The following TENM2 variants were observed in gnomAD, a reference collection of about 807,000 sequenced individuals.
The protein encoded by TENM2 is teneurin-2.
In TENM2, 52 loss-of-function variants were observed where a neutral mutation model predicts 245.2. The ratio of observed to expected loss-of-function variants is 0.21; its 90% CI spans 0.17 to 0.27. The LOEUF is 0.27. TENM2 is among the 10% of genes least tolerant of loss of function. TENM2 has a pLI of 1.00. For missense variants in TENM2, 3,046 were observed against 3,666.8 expected (o/e 0.83, Z 4.37); for synonymous variants, 1,363 against 1,438.9 (o/e 0.95, Z 1.19).
At chr5:168,162,347 A>T (rs934125396) in intron 12 of TENM2, among the ~76,000 whole-genome samples, 4 of 152,184 alleles carry the variant, frequency 2.6e-5, no homozygotes, top group Non-Finnish European at 5.9e-5. Flanking sequence ...GTTGTCTGGG[A>T]TGTGCATTGA....
intron 5 of TENM2, among the ~76,000 whole-genome samples, chr5:168,002,600 A>G (rs920390678): frequency 2.6e-5 from 4 of 152,206 alleles, no homozygotes; most frequent in African/African-American, 9.6e-5. Context: ...TTACAAACAG[A>G]CTTCTGGGAC....
intron 9 of TENM2, among the ~76,000 whole-genome samples, chr5:168,107,564 G>T (rs767221735): frequency 6.6e-4 from 100 of 150,912 alleles, no homozygotes; most frequent in Non-Finnish European, 1.1e-3. Context: ...CTGGGGGGGG[G>T]GTCTGATGCA....
chr5:168,257,792 T>A (rs1452145735), intron 27 of TENM2, among the ~76,000 whole-genome samples: 1 of 152,086 alleles, frequency 6.6e-6, no homozygotes, highest in Non-Finnish European at 1.5e-5. Flanking sequence ...ATTTTTGTAT[T>A]TTTAGTAGAG....
rs116491895 is a variant in TENM2, at chr5:168,178,339, A to G, written c.2570-11998A>G. 8.1e-3 allele frequency among the ~76,000 whole-genome samples: 1,239 copies of G among 152,256 alleles called. 8 individuals carry two copies. The highest frequency in any genetic ancestry group is 0.013 in the Non-Finnish European group (881 of 68,010). On this transcript the variant is annotated intron_variant, in intron 13 of 28. Coordinates refer to ENST00000518659, the Ensembl canonical transcript of TENM2. ...GTTGATGAGGAACAGAGCAGGGTAG[A>G]CCAGGCAGCGAGAGGCCAGGAACAG...
chr5:168,125,180 G>A (rs1455879938), intron 11 of TENM2, 130 bp downstream of exon 13: 3 of 777,114 alleles, frequency 3.9e-6, no homozygotes, highest in Non-Finnish European at 6.2e-6. Flanking sequence ...ATCACATTGT[G>A]TCTTTCTCAT....
At chr5:168,188,821 T>C (rs1182639883) in intron 13 of TENM2, among the ~76,000 whole-genome samples, 1 of 152,206 alleles carries the variant, frequency 6.6e-6, no homozygotes, top group Non-Finnish European at 1.5e-5. Flanking sequence ...CCGTTTATTC[T>C]TCCTGCAGGA....
chr5:168,184,503 G>C (rs1581567641), intron 13 of TENM2, among the ~76,000 whole-genome samples: 1 of 152,334 alleles, frequency 6.6e-6, no homozygotes, highest in East Asian at 1.9e-4. Context: ...AGACTCACTT[G>C]CAAACCAAGC....
At chr5:167,820,792 CG>C (rs1311166687) in intron 2 of TENM2, among the ~76,000 whole-genome samples, 1 of 152,044 alleles carries the variant, frequency 6.6e-6, no homozygotes, top group Non-Finnish European at 1.5e-5. Context: ...ATGAGCTTTG[CG>C]GGACAACTAA....
At chr5:167,319,745 A>G (rs1756600101) in intron 1 of TENM2, among the ~76,000 whole-genome samples, 1 of 152,234 alleles carries the variant, frequency 6.6e-6, no homozygotes, top group Non-Finnish European at 1.5e-5. Context: ...AAAAATTAGC[A>G]GGATGACTTG....
intron 2 of TENM2, among the ~76,000 whole-genome samples, chr5:167,800,884 A>C (rs112858341): frequency 6.6e-6 from 1 of 151,926 alleles, no homozygotes; most frequent in African/African-American, 2.4e-5. Flanking sequence ...AAGACAATGC[A>C]AAAGATATAG....
At chr5:167,897,899 T>G (rs1486767972) in intron 3 of TENM2, among the ~76,000 whole-genome samples, 2 of 149,764 alleles carry the variant, frequency 1.3e-5, no homozygotes, top group Non-Finnish European at 3.0e-5. Context: ...TGTTTTTTTT[T>G]TTTTTTTTTT....
Position 168,247,042 on chromosome 5 carries a change from A to G in TENM2, c.6103A>G (p.Ser2035Gly), listed in dbSNP as rs1488464933. The change falls in exon 27 of 29, where the codon AGT becomes GGT. Residue 2035 changes from serine (S) to glycine (G), a missense_variant. Physicochemically the swap from Ser to Gly is moderately conservative, Grantham distance 56. This residue lies in a region of TENM2 where 2,704 missense variants were observed against 3,331.9 expected (regional missense o/e 0.81). Transcript: ENST00000518659. This position sits in a 1 kb window ranked among gnomAD's most constrained non-coding sequence, Gnocchi z 7.8. The stretch of plus-strand genomic sequence containing the variant: ...CAAGTTATCAGAGATTGTCTACGAC[A>G]GTACCGCCGTCACCTTCGGGTATGA... The G allele has an allele frequency of 6.2e-7, 1 of 1,613,906 alleles. No homozygotes were observed. The highest frequency in any genetic ancestry group is 8.5e-7 in the Non-Finnish European group (1 of 1,179,914).
intron 3 of TENM2, among the ~76,000 whole-genome samples, chr5:167,935,419 G>A (rs1193914622): frequency 6.6e-6 from 1 of 152,140 alleles, no homozygotes; most frequent in East Asian, 1.9e-4. Flanking sequence ...TGAACAGACA[G>A]CTATGTTAAT....
chr5:167,723,709 T>C (rs1759795884), intron 2 of TENM2, among the ~76,000 whole-genome samples: 1 of 152,202 alleles, frequency 6.6e-6, no homozygotes, highest in African/African-American at 2.4e-5. Flanking sequence ...ATAGTCTTCC[T>C]CTTAGTGTAC....
intron 6 of TENM2, among the ~76,000 whole-genome samples, chr5:168,049,904 G>A (rs768008498): frequency 6.6e-6 from 1 of 152,178 alleles, no homozygotes; most frequent in African/African-American, 2.4e-5. Flanking sequence ...CCCGGTTCAA[G>A]CAATTCTCCT....
At chr5:168,007,668 A>G (rs1784929232) in intron 5 of TENM2, among the ~76,000 whole-genome samples, 1 of 152,194 alleles carries the variant, frequency 6.6e-6, no homozygotes, top group South Asian at 2.1e-4. Flanking sequence ...TTCTTGACAC[A>G]CTGAAACGAA....
the TENM2 span, among the ~76,000 whole-genome samples, chr5:166,994,409 T>C: frequency 6.6e-6 from 1 of 152,180 alleles, no homozygotes; most frequent in Non-Finnish European, 1.5e-5. Context: ...CTGATTCTCA[T>C]TTGTTTGGGG....
the TENM2 span, among the ~76,000 whole-genome samples, chr5:167,087,359 C>CACAAG: frequency 6.6e-6 from 1 of 152,144 alleles, no homozygotes; most frequent in Non-Finnish European, 1.5e-5. Flanking sequence ...TTGTACAGTT[C>CACAAG]ACAAGACGGG....
At chr5:167,420,666 A>G (rs533141460) in intron 2 of TENM2, among the ~76,000 whole-genome samples, 1 of 152,238 alleles carries the variant, frequency 6.6e-6, no homozygotes, top group Non-Finnish European at 1.5e-5. Context: ...GCCCACCCTG[A>G]CCATTGTGTA....
Sources: allele counts gnomAD v4.1 joint callset (sites outside exome capture counted in the v4.1 genomes callset), GRCh38; gene constraint gnomAD v4.1.1; regional missense constraint gnomAD v4.1.1; non-coding constraint Gnocchi (gnomAD v3.1); transcripts MANE v1.5; gene names NCBI Gene and HGNC (gene_info 2026-07-23, HGNC 2026-07-21).